The following CCDC30 variants were observed in gnomAD, a reference collection of about 807,000 sequenced individuals.
CCDC30 encodes the protein coiled-coil domain containing 30, also known as coiled-coil domain-containing protein 30.
A neutral mutation model predicts 100.2 loss-of-function variants in CCDC30; 70 were observed. The ratio of observed to expected loss-of-function variants is 0.70; its 90% confidence interval spans 0.58 to 0.85. The LOEUF (loss-of-function observed/expected upper bound fraction) is 0.85. CCDC30 is among the 40% of genes least tolerant of loss of function. CCDC30 has a pLI of 0.00. For synonymous variants in CCDC30, 233 were observed against 269.5 expected (o/e 0.86, Z 1.33); for missense variants, 652 against 771.2 (o/e 0.85, Z 1.83).
chr1:42,590,269 ACTT>A (rs2148607968), intron 10 of CCDC30: 1 of 152,238 alleles, frequency 6.6e-6, no homozygotes, highest in African/African-American at 2.4e-5. Flanking sequence ...AGCCAATTAA[ACTT>A]CTTTTCTTTA....
chr1:42,551,954 G>A (rs1304038436), intron 6 of CCDC30, among the ~76,000 whole-genome samples: 5 of 151,834 alleles, frequency 3.3e-5, no homozygotes, highest in Admixed American at 6.6e-5. Flanking sequence ...TTGTAGAGAC[G>A]GAGGTTTCCC....
At chr1:42,609,127 C>T (rs1409903718) in intron 10 of CCDC30, among the ~76,000 whole-genome samples, 1 of 152,144 alleles carries the variant, frequency 6.6e-6, no homozygotes, top group Non-Finnish European at 1.5e-5. Context: ...TCCACCTTCT[C>T]CACCTCTTCC....
At chr1:42,520,419 C>T (rs1189457562) in intron 6 of CCDC30, among the ~76,000 whole-genome samples, 1 of 151,604 alleles carries the variant, frequency 6.6e-6, no homozygotes, top group African/African-American at 2.4e-5. Flanking sequence ...GCAACCTCCA[C>T]CTCCCAGATT....
intron 6 of CCDC30, among the ~76,000 whole-genome samples, chr1:42,522,067 A>C (rs1644656653): frequency 2.0e-5 from 3 of 152,166 alleles, no homozygotes; most frequent in Non-Finnish European, 4.4e-5. Flanking sequence ...CATAGAACTT[A>C]TGCACATTCT....
chr1:42,526,119 C>G (rs1644720711), intron 6 of CCDC30, among the ~76,000 whole-genome samples: 1 of 152,158 alleles, frequency 6.6e-6, no homozygotes, highest in Non-Finnish European at 1.5e-5. Flanking sequence ...TTGCTATGCT[C>G]TATACAGGAT....
intron 6 of CCDC30, chr1:42,533,791 T>C (rs1173412201): frequency 6.6e-6 from 1 of 152,278 alleles, no homozygotes; most frequent in Non-Finnish European, 1.5e-5. Context: ...TGTCATACTA[T>C]GCAGGGAGGC....
In CCDC30 at chr1:42,566,369, G is replaced by T. The variant is rs373549506; in HGVS notation, c.530G>T (p.Arg177Leu). ...CAACAACTTCACCAGAATTTGCACC[G>T]GCTCCAGATTCTATGCAACTCAGCT... Residue 177 changes from arginine (R) to leucine (L), a missense_variant, in exon 7 of 17, where the codon CGG becomes CTG. Physicochemically the swap from Arg to Leu is moderately radical, Grantham distance 102. Transcript: ENST00000668663. 43 of 1,613,788 alleles carry T rather than the reference G, an allele frequency of 2.7e-5. No homozygotes were observed. The highest frequency in any genetic ancestry group is 3.3e-5 in the Non-Finnish European group (39 of 1,179,782).
At chr1:42,467,618 T>TA (rs752418587) in intron 1 of CCDC30, 1 of 152,232 alleles carries the variant, frequency 6.6e-6, no homozygotes, top group Non-Finnish European at 1.5e-5. Context: ...GCATTGGTCT[T>TA]AAACAGTAGA....
intron 10 of CCDC30, among the ~76,000 whole-genome samples, chr1:42,601,036 TA>T (rs1646395761): frequency 6.6e-6 from 1 of 152,196 alleles, no homozygotes; most frequent in South Asian, 2.1e-4. Context: ...TATTTCCTTA[TA>T]GTTGTGTGAG....
chr1:42,629,860 G>A (rs1341503310), intron 11 of CCDC30, among the ~76,000 whole-genome samples: 6 of 151,616 alleles, frequency 4.0e-5, no homozygotes, highest in South Asian at 2.1e-4. Context: ...GTGATCCGTC[G>A]GCCTCAGCCT....
chr1:42,515,087 C>A (rs1237836266), intron 6 of CCDC30, among the ~76,000 whole-genome samples: 1 of 151,910 alleles, frequency 6.6e-6, no homozygotes, highest in Non-Finnish European at 1.5e-5. Flanking sequence ...TTAGGGTGGG[C>A]CTTAATCCAA....
At chr1:42,589,557 A>C in intron 10 of CCDC30, 74 bp downstream of exon 14, 1 of 1,320,132 alleles carries the variant, frequency 7.6e-7, no homozygotes, top group Non-Finnish European at 1.1e-6. Context: ...TTGAGTGCCT[A>C]GCACTTTACT....
intron 1 of CCDC30, chr1:42,473,337 C>T: frequency 8.8e-7 from 1 of 1,141,148 alleles, no homozygotes; most frequent in Non-Finnish European, 1.1e-6. Context: ...TTAAAGACAC[C>T]TGTGATTTTG....
chr1:42,585,634 A>G (rs1378700335), intron 9 of CCDC30, among the ~76,000 whole-genome samples: 1 of 152,064 alleles, frequency 6.6e-6, no homozygotes, highest in Non-Finnish European at 1.5e-5. Flanking sequence ...GTGAAAGCTT[A>G]GATTACTGAT....
chr1:42,568,851 G>A (rs781427685), intron 7 of CCDC30, among the ~76,000 whole-genome samples: 1 of 150,720 alleles, frequency 6.6e-6, no homozygotes, highest in Non-Finnish European at 1.5e-5. Flanking sequence ...GCTGAGGCAT[G>A]AGAATTGCTT....
intron 3 of CCDC30, among the ~76,000 whole-genome samples, chr1:42,488,878 A>G (rs769503489): frequency 1.3e-5 from 2 of 152,198 alleles, no homozygotes; most frequent in African/African-American, 2.4e-5. Context: ...TGTAGCAAAT[A>G]AGGTCTTTCT....
At chr1:42,478,406 T>C (rs1034409600) in intron 1 of CCDC30, among the ~76,000 whole-genome samples, 4 of 152,184 alleles carry the variant, frequency 2.6e-5, no homozygotes, top group Non-Finnish European at 5.9e-5. Context: ...ATGACTCTAA[T>C]ACCAACTACT....
At chr1:42,500,739 G>A (rs376990714) in intron 6 of CCDC30, among the ~76,000 whole-genome samples, 27 of 151,432 alleles carry the variant, frequency 1.8e-4, no homozygotes, top group South Asian at 1.7e-3. Flanking sequence ...TCTTTATATT[G>A]AGTTGTAGAA....
rs915829764 is a variant in CCDC30, at chr1:42,559,525, C to T, written c.457-6771C>T. Among the ~76,000 whole-genome samples, 7 of 151,946 alleles carry T rather than the reference C, an allele frequency of 4.6e-5. 1 individual carries two copies. In the South Asian group the frequency reaches 1.0e-3, roughly 23 times the overall value. Reference sequence around the variant, plus strand: ...TCTGACAAAACAGACTTTAAACCAACGAAGATCAAAAAAGACAAAGAAGGG... The same window carrying T: ...TCTGACAAAACAGACTTTAAACCAATGAAGATCAAAAAAGACAAAGAAGGG... On this transcript the variant is annotated intron_variant, in intron 6 of 16. Coordinates refer to ENST00000668663, the Ensembl canonical transcript of CCDC30.
Sources: gnomAD v4.1 joint callset for allele counts (sites outside exome capture counted in the v4.1 genomes callset) on GRCh38, gnomAD v4.1.1 for gene constraint, MANE v1.5 for transcripts, NCBI Gene and HGNC (gene_info 2026-07-23, HGNC 2026-07-21) for gene names.